Variants in ATF7 observed in about 807,000 individuals in gnomAD.
The protein encoded by ATF7 is activating transcription factor 7, also known as cyclic AMP-dependent transcription factor ATF-7.
Under a neutral mutation model 50.4 loss-of-function variants are expected in ATF7, and 10 were observed. That is an observed-to-expected ratio of 0.20 (90% confidence interval 0.12 to 0.34). The LOEUF (loss-of-function observed/expected upper bound fraction) is 0.34. Among genes scored for constraint, ATF7 ranks in the 10% least tolerant of loss-of-function variants. The pLI is 1.00. For missense variants in ATF7, 465 were observed against 613.9 expected, an observed-to-expected ratio of 0.76 and a Z score of 2.56; for synonymous variants, 201 against 226.4, an observed-to-expected ratio of 0.89 and a Z score of 1.01.
At chr12:53,511,881 C>T (rs1017469525), downstream of ATF7, among the ~76,000 whole-genome samples, 4 of 152,164 alleles carry the variant, frequency 2.6e-5, no homozygotes, top group African/African-American at 9.7e-5. Flanking sequence ...TAGAAATCAT[C>T]CACTTTCTCT....
chr12:53,535,599 G>T (rs58397383), intron 5 of ATF7, among the ~76,000 whole-genome samples: 16,764 of 151,950 alleles, frequency 0.11, 1,726 homozygotes, highest in African/African-American at 0.25. Flanking sequence ...TTCAGTAAGT[G>T]ATATAATTAC....
intron 3 of ATF7, chr12:53,543,969 T>C (rs1186872466): frequency 6.4e-6 from 1 of 155,094 alleles, no homozygotes; most frequent in Non-Finnish European, 1.4e-5. Context: ...TGTCTTTCAG[T>C]GGTCACTGAG....
chr12:53,621,600 G>A (rs545774509), intron 1 of ATF7, among the ~76,000 whole-genome samples: 2 of 151,860 alleles, frequency 1.3e-5, no homozygotes, highest in South Asian at 4.2e-4. Flanking sequence ...TAGCCAACAT[G>A]GTGAAACCCC....
intron 9 of ATF7, among the ~76,000 whole-genome samples, chr12:53,526,320 C>T (rs913014206): frequency 6.7e-6 from 1 of 149,134 alleles, no homozygotes; most frequent in Non-Finnish European, 1.5e-5. Flanking sequence ...CCAAGCCCTC[C>T]TCCTCCTCCT....
intron 2 of ATF7, among the ~76,000 whole-genome samples, chr12:53,583,224 A>C (rs1592928110): frequency 6.6e-6 from 1 of 152,106 alleles, no homozygotes; most frequent in African/African-American, 2.4e-5. Flanking sequence ...ATTTACAGCC[A>C]CTCCCCATCA....
intron 1 of ATF7, among the ~76,000 whole-genome samples, chr12:53,619,593 A>G (rs1322755655): frequency 6.6e-6 from 1 of 151,616 alleles, no homozygotes; most frequent in African/African-American, 2.4e-5. Flanking sequence ...CAGGCAGATC[A>G]CCTGAACTTA....
chr12:53,597,677 C>G (rs991679787), intron 2 of ATF7, among the ~76,000 whole-genome samples: 1 of 151,796 alleles, frequency 6.6e-6, no homozygotes, highest in Non-Finnish European at 1.5e-5. Flanking sequence ...GGTGTGGTGG[C>G]GGGTGCCTGT....
chr12:53,606,134 T>C (rs1943593347), intron 1 of ATF7, among the ~76,000 whole-genome samples: 1 of 152,150 alleles, frequency 6.6e-6, no homozygotes, highest in East Asian at 1.9e-4. Flanking sequence ...GGGAGTAGTT[T>C]GTCAAGTTAA....
rs17100202 is a variant in ATF7 at position 53,532,705 on chromosome 12, G to A, written c.661-82C>T. On this transcript the variant is annotated intron_variant, in intron 7 of 11. Transcript: ENST00000420353. Reference sequence around the variant, plus strand: ...GGCAACAGTTTCCCTAAAATGAAGCGCTTTTGAGATTGGCACATCAGGGCC... The same window carrying A: ...GGCAACAGTTTCCCTAAAATGAAGCACTTTTGAGATTGGCACATCAGGGCC... 10,524 of 1,067,618 alleles carry A rather than the reference G, an allele frequency of 9.9e-3. 739 individuals are homozygous for A. The Admixed American group carries it at 0.15, about 15-fold the overall frequency. 66.1% of individuals were successfully genotyped at this position (1,067,618 alleles called of 1,614,324 possible). A position where few individuals can be genotyped will look rare whatever the true frequency, so the allele number is the denominator to read the frequency against.
chr12:53,523,249 ACTTAG>A, intron 11 of ATF7, 22 bp downstream of exon 11: 1 of 1,489,708 alleles, frequency 6.7e-7, no homozygotes, highest in Non-Finnish European at 9.4e-7. Flanking sequence ...TGACTGACTG[ACTTAG>A]CTTAGGTTGT....
At chr12:53,615,583 A>G (rs1290560790) in intron 1 of ATF7, among the ~76,000 whole-genome samples, 1 of 152,160 alleles carries the variant, frequency 6.6e-6, no homozygotes, top group Admixed American at 6.5e-5. Context: ...ATTTTATAAT[A>G]TAGTTAGGGG....
intron 1 of ATF7, among the ~76,000 whole-genome samples, chr12:53,619,493 AAAAAAAAAAAG>A (rs1340980818): frequency 4.8e-4 from 73 of 150,808 alleles, no homozygotes; most frequent in African/African-American, 1.6e-3. Context: ...TGTCAAAAAA[AAAAAAAAAAAG>A]AAAAAAAAAA....
intron 3 of ATF7, among the ~76,000 whole-genome samples, chr12:53,546,375 A>AAAAAAACAAAAAAC (rs71068137): frequency 0.48 from 71,683 of 150,444 alleles, 17,225 homozygotes; most frequent in East Asian, 0.74. Flanking sequence ...ACCTGTCTCA[A>AAAAAAACAAAAAAC]AAAAAACAAA....
At chr12:53,509,429 A>G (rs572920097), downstream of ATF7, among the ~76,000 whole-genome samples, 2 of 151,678 alleles carry the variant, frequency 1.3e-5, no homozygotes, top group South Asian at 4.2e-4. Flanking sequence ...TTAAGTCTCA[A>G]CAGAACATCT....
At chr12:53,537,330 A>C in intron 5 of ATF7, 85 bp downstream of exon 5, 1 of 1,497,964 alleles carries the variant, frequency 6.7e-7, no homozygotes, top group Non-Finnish European at 9.0e-7. Context: ...TGGCCTCCTG[A>C]GTAGTTAGGA....
intron 9 of ATF7, among the ~76,000 whole-genome samples, chr12:53,529,206 GTTAT>G (rs1294071830): frequency 6.6e-6 from 1 of 151,984 alleles, no homozygotes; most frequent in Non-Finnish European, 1.5e-5. Context: ...TATTTATTTA[GTTAT>G]TTATTTAAGA....
Position 53,526,170 on chromosome 12 carries a change from T to G in ATF7, c.928-1409A>C, listed in dbSNP as rs549533382. 5.4e-5 allele frequency among the ~76,000 whole-genome samples: 8 copies of G among 148,468 alleles called. No homozygotes were observed. The South Asian group carries it at 1.5e-3, about 28-fold the overall frequency. ...GTGCAGTGAGCTGAGATTGAGCCAC[T>G]GCACTCCAGCCTGGATAACAAGAGT... On this transcript the variant is annotated intron_variant, in intron 9 of 11. Coordinates refer to ENST00000420353, the MANE Select transcript of ATF7 (RefSeq NM_006856.3).
At chr12:53,599,138 A>T (rs372512773) in intron 2 of ATF7, among the ~76,000 whole-genome samples, 1 of 152,060 alleles carries the variant, frequency 6.6e-6, no homozygotes, top group Non-Finnish European at 1.5e-5. Context: ...CTCTCAAGTG[A>T]TCCTCCTGCA....
intron 4 of ATF7, 145 bp from the exon 5 acceptor site, chr12:53,537,697 TG>T: frequency 4.1e-6 from 4 of 971,778 alleles, no homozygotes; most frequent in Non-Finnish European, 6.0e-6. Flanking sequence ...CAAATAAATG[TG>T]GGCCCCTTAT....
Sources: gnomAD v4.1 joint callset for allele counts (sites outside exome capture counted in the v4.1 genomes callset) on GRCh38, gnomAD v4.1.1 for gene constraint, MANE v1.5 for transcripts, NCBI Gene and HGNC (gene_info 2026-07-23, HGNC 2026-07-21) for gene names.